Variants in DNAJC13 observed in about 807,000 individuals in gnomAD.
DNAJC13 encodes DnaJ heat shock protein family (Hsp40) member C13.
In DNAJC13, 75 loss-of-function variants were observed where a neutral mutation model predicts 290.5. The ratio of observed to expected loss-of-function variants is 0.26; its 90% CI spans 0.21 to 0.31. DNAJC13 has a LOEUF of 0.31. Ranked by LOEUF, DNAJC13 falls within the 10% of genes least tolerant of loss-of-function variation. The pLI, the probability that DNAJC13 is intolerant of heterozygous loss-of-function variation, is 1.00. For synonymous variants in DNAJC13, 862 were observed against 892.0 expected, an observed-to-expected ratio of 0.97 and a Z score of 0.60; for missense variants, 2,260 against 2,674.5, an observed-to-expected ratio of 0.85 and a Z score of 3.42.
Position 132,461,747 on chromosome 3 carries a change from G to A in DNAJC13, c.1713+542G>A, listed in dbSNP as rs555730067. Among the ~76,000 whole-genome samples the A allele has an allele frequency of 1.1e-4, 16 of 151,868 alleles. No individual in the cohort carries two copies. In the South Asian group the frequency reaches 2.3e-3, roughly 22 times the overall value. On this transcript the variant is annotated intron_variant, in intron 15 of 55. Coordinates refer to ENST00000260818, the MANE Select transcript of DNAJC13 (RefSeq NM_015268.4). ...TGTTCTGTTGCCCAGACTGGAGTGCGGTGATGCAATCACAGCTCACTGCAG... is the reference window on the plus strand; with the variant it reads ...TGTTCTGTTGCCCAGACTGGAGTGCAGTGATGCAATCACAGCTCACTGCAG...
At chr3:132,468,313 A>G (rs894377523) in intron 20 of DNAJC13, among the ~76,000 whole-genome samples, 1 of 152,242 alleles carries the variant, frequency 6.6e-6, no homozygotes, top group Admixed American at 6.5e-5. Context: ...AGCTATTGCC[A>G]TATTCAAGGA....
At chr3:132,484,778 G>C in intron 29 of DNAJC13, 106 bp downstream of exon 29, 1 of 1,017,940 alleles carries the variant, frequency 9.8e-7, no homozygotes, top group Non-Finnish European at 1.5e-6. Flanking sequence ...TTTTCAAAAA[G>C]CCTAAATAGG....
chr3:132,463,517 A>C (rs929716763), intron 16 of DNAJC13, among the ~76,000 whole-genome samples, 179 bp from the exon 17 acceptor site: 13 of 152,196 alleles, frequency 8.5e-5, no homozygotes, highest in Non-Finnish European at 1.9e-4. Context: ...CCAAAGGTTT[A>C]AAAATTACCT....
intron 4 of DNAJC13, 92 bp downstream of exon 4, chr3:132,447,562 C>T: frequency 1.6e-6 from 2 of 1,219,630 alleles, no homozygotes; most frequent in Non-Finnish European, 1.1e-6. Context: ...ATGTTCTCTG[C>T]CCCTGTACCC....
Position 132,488,989 on chromosome 3 carries a change from A to G in DNAJC13, c.3436A>G (p.Thr1146Ala). The G allele has an allele frequency of 1.2e-6, 2 of 1,609,684 alleles. No homozygotes were observed. Among genetic ancestry groups the G allele is most frequent in the Non-Finnish European group, 1.7e-6 (2 of 1,176,486 alleles). The change falls in exon 31 of 56, where the codon ACA becomes GCA. Residue 1146 changes from threonine to alanine, a missense_variant. Coordinates refer to ENST00000260818, the MANE Select transcript of DNAJC13 (RefSeq NM_015268.4). ...TTTTCTTTCTAGATTTTTGAAATAC[A>G]CACATACCAAACAGGCTTTCAAGTC... ...VLPVARFLKY[T>A]HTKQAFKSEE...
chr3:132,442,441 T>C (rs1559870838), intron 2 of DNAJC13, among the ~76,000 whole-genome samples: 1 of 152,232 alleles, frequency 6.6e-6, no homozygotes, highest in Non-Finnish European at 1.5e-5. Context: ...TTAAAAAATA[T>C]AAGCATCACC....
chr3:132,524,341 A>G (rs1451180426), intron 51 of DNAJC13, among the ~76,000 whole-genome samples: 1 of 152,164 alleles, frequency 6.6e-6, no homozygotes, highest in Non-Finnish European at 1.5e-5. Context: ...TTGTTGTTTA[A>G]ACAGGCTGGC....
Position 132,460,391 on chromosome 3 carries a change from T to C in DNAJC13, c.1557+34T>C, listed in dbSNP as rs58709265. 0.01 allele frequency: 14,229 copies of C among 1,408,398 alleles called. 995 individuals are homozygous for C. The African/African-American group carries it at 0.17, about 16-fold the overall frequency. 87.2% of individuals were successfully genotyped at this position (1,408,398 alleles called of 1,614,324 possible). On this transcript the variant is annotated intron_variant, in intron 14 of 55. Transcript: ENST00000260818. ...TAATTAAATTTGTCTTCATGGTAGATACCATACCATTATTGAAAGATATTC... is the reference window on the plus strand; with the variant it reads ...TAATTAAATTTGTCTTCATGGTAGACACCATACCATTATTGAAAGATATTC...
chr3:132,521,029 A>G (rs1457756525), intron 48 of DNAJC13, among the ~76,000 whole-genome samples: 1 of 152,194 alleles, frequency 6.6e-6, no homozygotes, highest in African/African-American at 2.4e-5. Flanking sequence ...CTGCCCTAAA[A>G]TTTATGTAGA....
At chr3:132,473,018 G>T in intron 20 of DNAJC13, 127 bp from the exon 21 acceptor site, 1 of 641,338 alleles carries the variant, frequency 1.6e-6, no homozygotes, top group Non-Finnish European at 2.7e-6. Flanking sequence ...TATTTATTCC[G>T]TTAATTTTTG....
intron 19 of DNAJC13, among the ~76,000 whole-genome samples, chr3:132,466,956 G>C (rs532836839): frequency 6.8e-4 from 103 of 152,164 alleles, no homozygotes; most frequent in Admixed American, 5.8e-3. Context: ...CTTGCATCTT[G>C]CCACCCCTCA....
intron 1 of DNAJC13, among the ~76,000 whole-genome samples, chr3:132,427,135 T>TA (rs1175530559): frequency 0.032 from 3,012 of 92,844 alleles, 62 homozygotes; most frequent in Admixed American, 0.088. Flanking sequence ...ATATATATAT[T>TA]TTTTTTTTTT....
chr3:132,453,219 C>G, intron 6 of DNAJC13, 79 bp from the exon 7 acceptor site: 1 of 1,328,550 alleles, frequency 7.5e-7, no homozygotes, highest in Non-Finnish European at 1.0e-6. Context: ...TACTTTAATA[C>G]CTTTCCTATG....
chr3:132,526,335 G>C, intron 53 of DNAJC13, 54 bp downstream of exon 53: 1 of 1,603,560 alleles, frequency 6.2e-7, no homozygotes. Flanking sequence ...ATACCAAGTA[G>C]ATTTTTACCT....
chr3:132,467,286 G>A lies in DNAJC13; in HGVS notation c.2181G>A (p.Arg727=). 2 of 1,613,528 alleles carry A rather than the reference G, an allele frequency of 1.2e-6. No individual in the cohort carries two copies. Among genetic ancestry groups the A allele is most frequent in the Non-Finnish European group, 1.7e-6 (2 of 1,179,716 alleles). Residue 727 remains arginine (R), a synonymous_variant, in exon 20 of 56, where the codon AGG becomes AGA. Transcript: ENST00000260818. ...EKVDLVLMHW[R]DRMGIAQKEN... ...TGGATCTTGTATTGATGCACTGGAG[G>A]GATAGGATGGGCATTGCTCAAAAAG...
At chr3:132,525,871 A>G (rs1576522046) in intron 52 of DNAJC13, 82 bp downstream of exon 52, 2 of 1,449,174 alleles carry the variant, frequency 1.4e-6, no homozygotes, top group Non-Finnish European at 1.9e-6. Flanking sequence ...TTGTAGTATT[A>G]TATAAATCCC....
In DNAJC13 at chr3:132,447,952, CA is replaced by C. The variant is rs772855237; in HGVS notation, c.336+14del. 6.8e-7 allele frequency: 1 copy of C among 1,471,850 alleles called. No homozygotes were observed. The highest frequency in any genetic ancestry group is 1.7e-5 in the Admixed American group (1 of 57,936). The allele number at this position is 1,471,850 out of a possible 1,614,324, so 91.2% of individuals were successfully genotyped here. A position where few individuals can be genotyped will look rare whatever the true frequency, so the allele number is the denominator to read the frequency against. ...AATCACAGGAAGGGTAAATATTTAA[CA>C]TTTATTATGTATTTTTATTTGTTCA... On this transcript the variant is annotated intron_variant, in intron 5 of 55. Coordinates refer to ENST00000260818, the MANE Select transcript of DNAJC13 (RefSeq NM_015268.4).
intron 2 of DNAJC13, among the ~76,000 whole-genome samples, chr3:132,444,007 A>C (rs1035630402): frequency 6.6e-6 from 1 of 152,156 alleles, no homozygotes; most frequent in African/African-American, 2.4e-5. Context: ...CACTTTGCTC[A>C]TTGCTACCTT....
rs1267686065 is a variant in DNAJC13, at chr3:132,462,474, C to T, written c.1721C>T (p.Ser574Phe). The change falls in exon 16 of 56, where the codon TCC (serine) becomes TTC (phenylalanine). Residue 574 changes from serine (S) to phenylalanine (F), a missense_variant. Physicochemically the swap from Ser to Phe is radical, Grantham distance 155. Transcript: ENST00000260818. ...TTCCCCCTCACTTTAAAGCATCCTT[C>T]CATGGCAATAATAAAAGGAGCTGGG... ...RTLFKLFQHP[S>F]MAIIKGAGLV... The T allele has an allele frequency of 6.2e-7, 1 of 1,608,844 alleles. No individual in the cohort carries two copies. Among genetic ancestry groups the T allele is most frequent in the Non-Finnish European group, 8.5e-7 (1 of 1,178,364 alleles).
Sources: allele counts gnomAD v4.1 joint callset (sites outside exome capture counted in the v4.1 genomes callset), GRCh38; gene constraint gnomAD v4.1.1; transcripts MANE v1.5; gene names NCBI Gene and HGNC (gene_info 2026-07-23, HGNC 2026-07-21).